The following CDC42EP4 variants were observed in gnomAD, a reference collection of about 807,000 sequenced individuals.
The protein encoded by CDC42EP4 is CDC42 effector protein 4.
Under a neutral mutation model 5.6 loss-of-function variants are expected in CDC42EP4, and 6 were observed. The observed-to-expected ratio is 1.07, with a 90% confidence interval of 0.59 to 2.12. CDC42EP4 has a LOEUF of 2.12. CDC42EP4 is among the 30% of genes most tolerant of loss of function. CDC42EP4 has a pLI of 0.00. For synonymous variants in CDC42EP4, 230 were observed against 224.2 expected (o/e 1.03, Z -0.23); for missense variants, 490 against 508.6 (o/e 0.96, Z 0.35).
chr17:73,290,550 C>T (rs56041710), intron 1 of CDC42EP4, among the ~76,000 whole-genome samples: 75,853 of 152,014 alleles, frequency 0.5, 19,171 homozygotes, highest in Middle Eastern at 0.6. Flanking sequence ...GTAGCATCCA[C>T]CCCCCAGTCA....
At chr17:73,296,870 A>G (rs1391629040) in intron 1 of CDC42EP4, among the ~76,000 whole-genome samples, 1 of 148,266 alleles carries the variant, frequency 6.7e-6, no homozygotes, top group African/African-American at 2.5e-5. Context: ...AGTCCCAGCT[A>G]CTCGGGAGGC....
chr17:73,304,702 T>C (rs77120146), intron 1 of CDC42EP4, among the ~76,000 whole-genome samples: 9,525 of 151,874 alleles, frequency 0.063, 339 homozygotes, highest in East Asian at 0.076. Flanking sequence ...TAAGTGTCCC[T>C]GGGGCTCAGG....
At chr17:73,289,910 C>T (rs959164605) in intron 1 of CDC42EP4, among the ~76,000 whole-genome samples, 1 of 151,786 alleles carries the variant, frequency 6.6e-6, no homozygotes, top group African/African-American at 2.4e-5. Context: ...AAAGAAGCAG[C>T]AGAAGAAAAG....
rs1288714917 is a variant in CDC42EP4, at chr17:73,285,961, A to G, written c.540T>C (p.Asp180=). ...AGPHSPDPLL[D]EQAFGDLTDL... The stretch of plus-strand genomic sequence containing the variant: ...CTGTCAGATCCCCAAAGGCCTGCTC[A>G]TCGAGGAGGGGGTCAGGGGAATGTG... The change falls in exon 2 of 2, where the codon GAT becomes GAC. Residue 180 remains aspartate, a synonymous_variant. Coordinates refer to ENST00000335793, the MANE Select transcript of CDC42EP4 (RefSeq NM_012121.5). This position sits in a 1 kb window ranked among gnomAD's most constrained non-coding sequence, Gnocchi z 6.8. 6.2e-7 allele frequency: 1 copy of G among 1,613,536 alleles called. No homozygotes were observed. The highest frequency in any genetic ancestry group is 1.7e-5 in the Admixed American group (1 of 60,004).
chr17:73,306,375 G>A (rs938441587), intron 1 of CDC42EP4, among the ~76,000 whole-genome samples: 2 of 151,270 alleles, frequency 1.3e-5, no homozygotes, highest in East Asian at 1.9e-4. Context: ...GGCGGCACAC[G>A]TCTATAGTCT....
chr17:73,302,900 T>C (rs1568345447), intron 1 of CDC42EP4, among the ~76,000 whole-genome samples: 1 of 147,924 alleles, frequency 6.8e-6, no homozygotes, highest in South Asian at 2.2e-4. Flanking sequence ...AAAAATTAGC[T>C]GGGCATGGTG....
intron 1 of CDC42EP4, among the ~76,000 whole-genome samples, chr17:73,299,383 T>TCATG (rs1286742293): frequency 2.5e-5 from 2 of 80,580 alleles, no homozygotes; most frequent in East Asian, 5.2e-4. Context: ...TGAGCCGAGA[T>TCATG]CATGCCACTG....
chr17:73,299,627 T>G (rs2062208690), intron 1 of CDC42EP4, among the ~76,000 whole-genome samples: 1 of 151,960 alleles, frequency 6.6e-6, no homozygotes, highest in East Asian at 1.9e-4. Flanking sequence ...AACTTCTAAG[T>G]GGTTATTTGA....
chr17:73,308,979 A>G (rs2062258897), intron 1 of CDC42EP4, among the ~76,000 whole-genome samples: 1 of 140,808 alleles, frequency 7.1e-6, no homozygotes, highest in African/African-American at 2.6e-5. Context: ...TGGAGGATGC[A>G]GTGAGCCAAG....
At chr17:73,290,092 C>T (rs1284984577) in intron 1 of CDC42EP4, among the ~76,000 whole-genome samples, 2 of 152,194 alleles carry the variant, frequency 1.3e-5, no homozygotes, top group Admixed American at 6.5e-5. Context: ...GCCTGCACCC[C>T]GACTCCTGGC....
intron 1 of CDC42EP4, among the ~76,000 whole-genome samples, chr17:73,289,669 AC>A (rs966434343): frequency 6.0e-5 from 8 of 133,496 alleles, no homozygotes; most frequent in Non-Finnish European, 9.6e-5. Context: ...ATCATATATG[AC>A]CCTCTTGGCC....
rs118183852 is a variant in CDC42EP4 at position 73,302,328 on chromosome 17, T to C, written c.-113+9565A>G. Among the ~76,000 whole-genome samples the C allele has an allele frequency of 5.9e-4, 90 of 152,330 alleles. No individual in the cohort carries two copies. The East Asian group carries it at 0.017, about 28-fold the overall frequency. On this transcript the variant is annotated intron_variant, in intron 1 of 1. Transcript: ENST00000335793. ...CGTTATATTTGTTACACTGCCAATATAATGTTGAATAATACCACTGACATG... is the reference window on the plus strand; with the variant it reads ...CGTTATATTTGTTACACTGCCAATACAATGTTGAATAATACCACTGACATG...
intron 1 of CDC42EP4, among the ~76,000 whole-genome samples, chr17:73,310,681 C>A (rs1417787152): frequency 9.2e-5 from 14 of 152,102 alleles, no homozygotes. Context: ...AAGCCGAGGC[C>A]GCAGTCACTG....
intron 1 of CDC42EP4, 36 bp downstream of exon 1, chr17:73,311,857 G>A (rs1393004279): frequency 6.6e-6 from 1 of 152,236 alleles, no homozygotes; most frequent in African/African-American, 2.4e-5. Flanking sequence ...GCGCGAAGGC[G>A]GCTACCACAG....
intron 1 of CDC42EP4, among the ~76,000 whole-genome samples, chr17:73,296,860 A>G (rs1258073219): frequency 1.4e-5 from 2 of 147,724 alleles, no homozygotes; most frequent in Middle Eastern, 3.6e-3. Context: ...GGGGGCCTGT[A>G]GTCCCAGCTA....
chr17:73,305,825 A>C (rs1024042016), intron 1 of CDC42EP4, among the ~76,000 whole-genome samples: 3 of 152,122 alleles, frequency 2.0e-5, no homozygotes, highest in Non-Finnish European at 4.4e-5. Context: ...ACCTAATTCA[A>C]AAGTCTGTAC....
chr17:73,300,240 C>T (rs1461862398), intron 1 of CDC42EP4, among the ~76,000 whole-genome samples: 1 of 152,136 alleles, frequency 6.6e-6, no homozygotes, highest in Non-Finnish European at 1.5e-5. Context: ...TTTGATGGCC[C>T]CTTCCTGAAG....
At chr17:73,294,877 T>A (rs1271314907) in intron 1 of CDC42EP4, among the ~76,000 whole-genome samples, 2 of 152,118 alleles carry the variant, frequency 1.3e-5, no homozygotes, top group African/African-American at 4.8e-5. Context: ...TGGTGCACTC[T>A]TGGCTCACTG....
chr17:73,296,526 G>A (rs370936286), intron 1 of CDC42EP4, among the ~76,000 whole-genome samples: 3 of 152,026 alleles, frequency 2.0e-5, no homozygotes, highest in East Asian at 1.9e-4. Context: ...CCATTCAGCA[G>A]TCATGGAAAG....
Sources: gnomAD v4.1 joint callset for allele counts (sites outside exome capture counted in the v4.1 genomes callset) on GRCh38, gnomAD v4.1.1 for gene constraint, Gnocchi (gnomAD v3.1) non-coding constraint, MANE v1.5 for transcripts, NCBI Gene and HGNC (gene_info 2026-07-23, HGNC 2026-07-21) for gene names.